Variants in REDIC1 observed in about 807,000 individuals in gnomAD.
REDIC1 encodes HEI10 Interacting Protein 1.
the REDIC1 span, among the ~76,000 whole-genome samples, chr12:39,652,798 A>AT: frequency 6.6e-6 from 1 of 152,030 alleles, no homozygotes; most frequent in Non-Finnish European, 1.5e-5. Flanking sequence ...GGAAAAGAAT[A>AT]TTTTTTCCTT....
the REDIC1 span, among the ~76,000 whole-genome samples, chr12:39,741,759 G>T: frequency 5.9e-5 from 9 of 152,140 alleles, 1 homozygote; most frequent in Admixed American, 5.9e-4. Flanking sequence ...GTTATAGGCA[G>T]GTTTCCAGAT....
At chr12:39,867,355 T>C in the REDIC1 span, among the ~76,000 whole-genome samples, 1 of 152,154 alleles carries the variant, frequency 6.6e-6, no homozygotes, top group Non-Finnish European at 1.5e-5. Context: ...ACATATCCAG[T>C]AAGGTCCAAT....
chr12:39,820,393 C>CA, the REDIC1 span, among the ~76,000 whole-genome samples: 3 of 152,156 alleles, frequency 2.0e-5, no homozygotes, highest in Non-Finnish European at 4.4e-5. Context: ...TTGTGATTGG[C>CA]ATTGGTTCAT....
At chr12:39,690,304 G>T in the REDIC1 span, among the ~76,000 whole-genome samples, 2 of 152,152 alleles carry the variant, frequency 1.3e-5, no homozygotes, top group East Asian at 3.9e-4. Flanking sequence ...GAATAGGAAA[G>T]AACAAAGTAT....
chr12:39,709,235 T>A, the REDIC1 span, among the ~76,000 whole-genome samples: 9 of 151,626 alleles, frequency 5.9e-5, no homozygotes, highest in African/African-American at 1.9e-4. Context: ...TGTTTTTTTT[T>A]TTTTTATTTT....
the REDIC1 span, among the ~76,000 whole-genome samples, chr12:39,898,821 A>G: frequency 6.6e-6 from 1 of 152,176 alleles, no homozygotes; most frequent in East Asian, 1.9e-4. Context: ...CAAATGGGGT[A>G]ACTTCACACA....
the REDIC1 span, among the ~76,000 whole-genome samples, chr12:39,763,017 C>T: frequency 6.6e-6 from 1 of 151,958 alleles, no homozygotes; most frequent in African/African-American, 2.4e-5. Flanking sequence ...CTATGCCTTT[C>T]TATGAAAAAT....
chr12:39,899,593 T>C, the REDIC1 span, among the ~76,000 whole-genome samples: 10 of 152,300 alleles, frequency 6.6e-5, no homozygotes, highest in East Asian at 1.9e-3. Context: ...TTTTGGATCT[T>C]TCCTGCTTTC....
chr12:39,739,465 T>C, the REDIC1 span, among the ~76,000 whole-genome samples: 4 of 152,144 alleles, frequency 2.6e-5, no homozygotes, highest in Non-Finnish European at 5.9e-5. Flanking sequence ...AACTGATCCC[T>C]AGCCTTCAAA....
the REDIC1 span, among the ~76,000 whole-genome samples, chr12:39,882,161 G>A: frequency 1.3e-5 from 2 of 151,938 alleles, no homozygotes; most frequent in African/African-American, 4.8e-5. Context: ...TACTTACTAT[G>A]TGAGTACTCT....
At chr12:39,716,388 C>T in the REDIC1 span, among the ~76,000 whole-genome samples, 21 of 151,906 alleles carry the variant, frequency 1.4e-4, no homozygotes, top group Admixed American at 9.9e-4. Flanking sequence ...ATGTCTGATG[C>T]CTTAGGACTT....
the REDIC1 span, among the ~76,000 whole-genome samples, chr12:39,785,643 T>C: frequency 6.6e-6 from 1 of 152,050 alleles, no homozygotes; most frequent in Admixed American, 6.6e-5. Flanking sequence ...CAGCTTGCAC[T>C]ATGAGCCTGG....
the REDIC1 span, among the ~76,000 whole-genome samples, chr12:39,831,382 A>G: frequency 6.6e-6 from 1 of 152,320 alleles, no homozygotes; most frequent in East Asian, 1.9e-4. Context: ...CAGTCAGCAC[A>G]GACTTATTAA....
the REDIC1 span, among the ~76,000 whole-genome samples, chr12:39,769,227 C>A: frequency 6.6e-6 from 1 of 152,044 alleles, no homozygotes; most frequent in Non-Finnish European, 1.5e-5. Flanking sequence ...TCAACTATTG[C>A]CTCAATTAAT....
At chr12:39,743,857 G>A in the REDIC1 span, among the ~76,000 whole-genome samples, 1 of 151,974 alleles carries the variant, frequency 6.6e-6, no homozygotes, top group South Asian at 2.1e-4. Context: ...AACTACAAAA[G>A]GTATAACATA....
At chr12:39,653,561 C>CTTT in the REDIC1 span, among the ~76,000 whole-genome samples, 1 of 80,080 alleles carries the variant, frequency 1.2e-5, no homozygotes, top group Admixed American at 1.4e-4. Context: ...CTTCTTCTTT[C>CTTT]TTCTTCTTCT....
At chr12:39,741,241 A>C in the REDIC1 span, among the ~76,000 whole-genome samples, 1 of 152,308 alleles carries the variant, frequency 6.6e-6, no homozygotes. Context: ...ATGTTCATTA[A>C]ATTTACATCT....
chr12:39,846,727 T>C, the REDIC1 span, among the ~76,000 whole-genome samples: 1 of 152,136 alleles, frequency 6.6e-6, no homozygotes, highest in East Asian at 1.9e-4. Context: ...GCTGGGATTA[T>C]AGGCATGAGC....
chr12:39,812,631 C>T, the REDIC1 span, among the ~76,000 whole-genome samples: 1 of 151,846 alleles, frequency 6.6e-6, no homozygotes, highest in Non-Finnish European at 1.5e-5. Flanking sequence ...CACGGCTACG[C>T]CCGGCTGATT....
Sources: allele counts gnomAD v4.1 joint callset (sites outside exome capture counted in the v4.1 genomes callset), GRCh38; gene constraint gnomAD v4.1.1; transcripts MANE v1.5; gene names NCBI Gene and HGNC (gene_info 2026-07-23, HGNC 2026-07-21).